Variants in UGT2A3 observed in about 807,000 individuals in gnomAD.
UGT2A3 encodes UDP-glucuronosyltransferase 2A3.
A neutral mutation model predicts 44.1 loss-of-function variants in UGT2A3; 55 were observed. The observed-to-expected ratio is 1.25, with a 90% CI of 1.00 to 1.56. UGT2A3 has a LOEUF of 1.56. UGT2A3 is among the 40% of genes most tolerant of loss of function. The probability of loss-of-function intolerance (pLI) is 0.00; values close to 1 mark genes in which losing one functional copy is unlikely to be tolerated. For synonymous variants in UGT2A3, 243 were observed against 215.1 expected (o/e 1.13, Z -1.13); for missense variants, 733 against 621.6 (o/e 1.18, Z -1.91).
At chr4:68,943,312 T>C in intron 2 of UGT2A3, 1 of 1,269,930 alleles carries the variant, frequency 7.9e-7, no homozygotes, top group Non-Finnish European at 1.0e-6. Flanking sequence ...TCAGCTCTCC[T>C]TCTGTATTTC....
At position 68,929,837 on chromosome 4, in the gene UGT2A3, A is replaced by G; in HGVS notation, c.1560T>C (p.Thr520=). ...TCTATTCCCTCTTTTCTATCTTTCT[A>G]GTTTTATTAAATTTTTGACAGGAAA... The part of the protein sequence containing the change: ...FLFSCQKFNK[T]RKIEKRE Residue 520 remains threonine, a synonymous_variant, in exon 6 of 6, where the codon ACT becomes ACC. Coordinates refer to ENST00000251566, the MANE Select transcript of UGT2A3 (RefSeq NM_024743.4). The G allele has an allele frequency of 6.2e-7, 1 of 1,604,214 alleles. No individual in the cohort carries two copies. The highest frequency in any genetic ancestry group is 8.5e-7 in the Non-Finnish European group (1 of 1,174,172).
At chr4:68,937,357 C>T (rs1250265177) in intron 2 of UGT2A3, among the ~76,000 whole-genome samples, 1 of 152,200 alleles carries the variant, frequency 6.6e-6, no homozygotes. Flanking sequence ...GAAATCACAA[C>T]AGTCTCTCAG....
At position 68,951,383 on chromosome 4, in the gene UGT2A3, C is replaced by G. The variant is rs371161380; in HGVS notation, c.378G>C (p.Glu126Asp). The G allele has an allele frequency of 6.2e-7, 1 of 1,612,462 alleles. No individual in the cohort carries two copies. Residue 126 changes from glutamate (E) to aspartate (D), a missense_variant, in exon 1 of 6, where the codon GAG becomes GAC. Coordinates refer to ENST00000251566, the MANE Select transcript of UGT2A3 (RefSeq NM_024743.4). ...EIRGTLKMMC[E>D]SFIYNQTLMK... is the part of the protein sequence containing the mutation. Reference sequence around the variant, plus strand: ...TAAGCGTCTGATTGTAGATAAAGCTCTCACACATCATTTTTAAAGTTCCTC... The same window carrying G: ...TAAGCGTCTGATTGTAGATAAAGCTGTCACACATCATTTTTAAAGTTCCTC...
intron 2 of UGT2A3, among the ~76,000 whole-genome samples, chr4:68,939,892 T>C (rs1384476931): frequency 6.6e-6 from 1 of 152,136 alleles, no homozygotes; most frequent in East Asian, 1.9e-4. Flanking sequence ...GCAAAGGATA[T>C]GAACAGACAC....
intron 2 of UGT2A3, among the ~76,000 whole-genome samples, chr4:68,942,727 A>G (rs1169628476): frequency 1.3e-5 from 2 of 151,434 alleles, no homozygotes; most frequent in African/African-American, 4.8e-5. Flanking sequence ...ATAATTAGAG[A>G]GTAGAATTGT....
Position 68,930,736 on chromosome 4 carries a change from G to C in UGT2A3, c.1114C>G (p.His372Asp). The C allele has an allele frequency of 6.2e-7, 1 of 1,605,562 alleles. No individual in the cohort carries two copies. Among genetic ancestry groups the C allele is most frequent in the Non-Finnish European group, 8.5e-7 (1 of 1,177,122 alleles). Residue 372 changes from histidine to aspartate, a missense_variant, in exon 5 of 6, where the codon CAT becomes GAT. Physicochemically the swap from His to Asp is moderately conservative, Grantham distance 81 (BLOSUM62 -1). Transcript: ENST00000251566. ...GHPKTKAFIT[H>D]GGMNGIYEAI... ...TCATAGATCCCATTCATTCCACCAT[G>C]AGTGATAAAAGCTTTGGTTTTGGGA...
intron 2 of UGT2A3, among the ~76,000 whole-genome samples, chr4:68,940,816 T>TACC (rs1560459674): frequency 6.8e-6 from 1 of 147,336 alleles, no homozygotes; most frequent in Non-Finnish European, 1.5e-5. Context: ...ATAGCATAGA[T>TACC]ATCACCAAAA....
At chr4:68,937,414 A>G (rs1040618636) in intron 2 of UGT2A3, among the ~76,000 whole-genome samples, 2 of 152,152 alleles carry the variant, frequency 1.3e-5, no homozygotes, top group Non-Finnish European at 2.9e-5. Flanking sequence ...AACTCACTCA[A>G]AACTGCACAA....
chr4:68,930,066 G>A lies in UGT2A3; in HGVS notation c.1331C>T (p.Ser444Leu), dbSNP rs1350460800. The change falls in exon 6 of 6, where the codon TCA becomes TTA. Residue 444 changes from serine (S) to leucine (L), a missense_variant. Coordinates refer to ENST00000251566, the MANE Select transcript of UGT2A3 (RefSeq NM_024743.4). The stretch of plus-strand genomic sequence containing the variant: ...TACAGGTTGATCATGGTGAATTCTT[G>A]ATAATCTCATAGCATTCTCTTTATA... ...SSYKENAMRLSRIHHDQPVKP... is the reference protein window; with the variant it reads ...SSYKENAMRLLRIHHDQPVKP... 14 of 1,612,336 alleles carry A rather than the reference G, an allele frequency of 8.7e-6. No individual in the cohort carries two copies. In the East Asian group the frequency reaches 3.1e-4, roughly 36 times the overall value.
chr4:68,951,578 AG>A lies in UGT2A3; in HGVS notation c.182del (p.Pro61LeufsTer3). 6.2e-7 allele frequency: 1 copy of A among 1,613,058 alleles called. No individual in the cohort carries two copies. Among genetic ancestry groups the A allele is most frequent in the Non-Finnish European group, 8.5e-7 (1 of 1,179,472 alleles). ...AAGGCTTCCTGTAGTCAATTAACGA[AG>A]GCTTTGAGTGAGTCAATACTGTTAC... is the stretch of plus-strand genomic sequence containing the variant. ...HEVTVLTHSK[P>X]SLIDYRKPSA... is the part of the protein sequence containing the mutation. On this transcript the variant is annotated frameshift_variant, in exon 1 of 6. Transcript: ENST00000251566. LOFTEE classifies it high-confidence loss of function.
intron 2 of UGT2A3, among the ~76,000 whole-genome samples, chr4:68,942,102 A>T (rs11935894): frequency 0.023 from 3,518 of 151,904 alleles, 64 homozygotes; most frequent in African/African-American, 0.053. Context: ...TAGAACTACC[A>T]TATTATACAG....
intron 5 of UGT2A3, 126 bp downstream of exon 5, chr4:68,930,420 G>A (rs1168688764): frequency 1.7e-5 from 16 of 922,374 alleles, no homozygotes. Flanking sequence ...GTAACAAGGT[G>A]ATGAATGACT....
At chr4:68,939,071 A>G (rs1718080228) in intron 2 of UGT2A3, among the ~76,000 whole-genome samples, 1 of 152,192 alleles carries the variant, frequency 6.6e-6, no homozygotes, top group Non-Finnish European at 1.5e-5. Context: ...ATGGAAGAAC[A>G]TTCCATGCTC....
chr4:68,945,202 A>T (rs1718338528), intron 2 of UGT2A3, 104 bp downstream of exon 2: 1 of 1,357,464 alleles, frequency 7.4e-7, no homozygotes, highest in Non-Finnish European at 1.0e-6. Context: ...AGCTGCAAAC[A>T]GAAGACATTC....
At chr4:68,946,136 G>A (rs1487948515) in intron 1 of UGT2A3, among the ~76,000 whole-genome samples, 2 of 151,552 alleles carry the variant, frequency 1.3e-5, no homozygotes, top group Non-Finnish European at 3.0e-5. Context: ...CTCAAATGAT[G>A]TGTTTTGAAG....
chr4:68,936,491 C>T (rs1220297129), intron 2 of UGT2A3, among the ~76,000 whole-genome samples: 1 of 151,996 alleles, frequency 6.6e-6, no homozygotes, highest in Non-Finnish European at 1.5e-5. Context: ...AAATGAAATC[C>T]TTTACAGACA....
rs535750266 is a variant in UGT2A3 at position 68,929,122 on chromosome 4, G to A, written c.*691C>T. On this transcript the variant is annotated 3_prime_UTR_variant, in exon 6 of 6. Transcript: ENST00000251566. ...TATCTTACTGACATGTTCTCTATGT[G>A]AGAAAAAAAATAGTTTCTTTTGTTA... 1.3e-5 allele frequency: 2 copies of A among 151,966 alleles called. No individual in the cohort carries two copies. The highest frequency in any genetic ancestry group is 2.4e-5 in the African/African-American group (1 of 41,468). 9.4% of individuals were successfully genotyped at this position (151,966 alleles called of 1,614,324 possible).
intron 2 of UGT2A3, among the ~76,000 whole-genome samples, chr4:68,944,753 A>C (rs376015768): frequency 6.6e-6 from 1 of 151,792 alleles, no homozygotes; most frequent in Non-Finnish European, 1.5e-5. Context: ...CACAGAATTC[A>C]TCATATAAAT....
rs1253567458 is a variant in UGT2A3 at position 68,929,945 on chromosome 4, G to A, written c.1452C>T (p.Phe484=). Residue 484 remains phenylalanine (F), a synonymous_variant, in exon 6 of 6, where the codon TTC becomes TTT. Transcript: ENST00000251566. ...LRSAAHDLTW[F]QHYSIDVIGF... ...CAATCACATCTATAGAGTAGTGCTG[G>A]AACCAGGTGAGGTCATGGGCAGCTG... is the stretch of plus-strand genomic sequence containing the variant. 20 of 1,613,616 alleles carry A rather than the reference G, an allele frequency of 1.2e-5. No homozygotes were observed. In the East Asian group the frequency reaches 4.2e-4, roughly 34 times the overall value.
Sources: gnomAD v4.1 joint callset for allele counts (sites outside exome capture counted in the v4.1 genomes callset) on GRCh38, gnomAD v4.1.1 for gene constraint, MANE v1.5 for transcripts, NCBI Gene and HGNC (gene_info 2026-07-23, HGNC 2026-07-21) for gene names.